ERO1B: variants seen among roughly 807,000 people sequenced by gnomAD.
ERO1B encodes the protein ERO1-like protein beta.
ERO1B carries 49 observed loss-of-function variants against 75.3 expected under a neutral mutation model. The observed-to-expected ratio is 0.65, with a 90% CI of 0.52 to 0.83. ERO1B has a LOEUF of 0.83. Ranked by LOEUF, ERO1B falls within the 40% of genes least tolerant of loss-of-function variation. The pLI, the probability that ERO1B is intolerant of heterozygous loss-of-function variation, is 0.00. For synonymous variants in ERO1B, 191 were observed against 192.9 expected (o/e 0.99, Z 0.08); for missense variants, 512 against 560.1 (o/e 0.91, Z 0.87).
At chr1:236,248,985 T>TA (rs1221489457) in intron 5 of ERO1B, among the ~76,000 whole-genome samples, 1 of 152,106 alleles carries the variant, frequency 6.6e-6, no homozygotes, top group African/African-American at 2.4e-5. Flanking sequence ...ATTGCTAACT[T>TA]ATACTGAGTC....
intron 2 of ERO1B, among the ~76,000 whole-genome samples, chr1:236,268,426 C>A (rs10924901): frequency 0.052 from 7,777 of 148,988 alleles, 531 homozygotes; most frequent in East Asian, 0.39. Context: ...GGCGACAGAG[C>A]GAGACCCTGT....
At chr1:236,223,223 A>G (rs867936832) in intron 13 of ERO1B, among the ~76,000 whole-genome samples, 2 of 149,320 alleles carry the variant, frequency 1.3e-5, no homozygotes, top group Non-Finnish European at 3.0e-5. Context: ...AAAAAAAAAA[A>G]AGAGAAGTTT....
intron 8 of ERO1B, among the ~76,000 whole-genome samples, chr1:236,233,899 G>A (rs1664477560): frequency 6.6e-6 from 1 of 152,174 alleles, no homozygotes; most frequent in Admixed American, 6.5e-5. Context: ...AGAGGCCAGA[G>A]GTTGGGCTCT....
At position 236,215,642 on chromosome 1, in the gene ERO1B, T is replaced by A. The variant is rs1335141207; in HGVS notation, c.*2874A>T. 6.6e-6 allele frequency: 1 copy of A among 152,200 alleles called. No homozygotes were observed. Among genetic ancestry groups the A allele is most frequent in the Non-Finnish European group, 1.5e-5 (1 of 68,028 alleles). The allele number at this position is 152,200 out of a possible 1,614,324, so 9.4% of individuals were successfully genotyped here. On this transcript the variant is annotated 3_prime_UTR_variant, in exon 16 of 16. Transcript: ENST00000354619. ...TTGGAATTCTGTTCAAAATCAAAGC[T>A]GCACCTGTAGATATTCCTTAAAATA...
chr1:236,268,835 G>A (rs1343617615), intron 2 of ERO1B, among the ~76,000 whole-genome samples: 3 of 152,100 alleles, frequency 2.0e-5, no homozygotes, highest in East Asian at 1.9e-4. Flanking sequence ...GCAGTGAGCC[G>A]AGATCGCGCC....
chr1:236,253,234 T>C (rs1407354373), intron 3 of ERO1B, among the ~76,000 whole-genome samples, 188 bp downstream of exon 3: 1 of 152,210 alleles, frequency 6.6e-6, no homozygotes, highest in African/African-American at 2.4e-5. Context: ...GATACAAGTG[T>C]CTTCAAACCC....
chr1:236,249,463 G>A (rs569647630), intron 5 of ERO1B, among the ~76,000 whole-genome samples: 16 of 152,066 alleles, frequency 1.1e-4, no homozygotes, highest in Non-Finnish European at 2.4e-4. Flanking sequence ...TTTCTGTGTA[G>A]AACAAATAAG....
In ERO1B at chr1:236,268,700, C is replaced by T. The variant is rs542824698; in HGVS notation, c.222+1175G>A. On this transcript the variant is annotated intron_variant, in intron 2 of 15. Transcript: ENST00000354619. ...AGGAGATCAAGACCATCCTGGCTAA[C>T]ATGGTGAAACCCCGTCTCTACTAAA... Among the ~76,000 whole-genome samples, 12 of 151,448 alleles carry T rather than the reference C, an allele frequency of 7.9e-5. 1 individual carries two copies. In the South Asian group the frequency reaches 1.0e-3, roughly 13 times the overall value.
At chr1:236,244,520 C>T (rs1018982871) in intron 5 of ERO1B, among the ~76,000 whole-genome samples, 10 of 152,236 alleles carry the variant, frequency 6.6e-5, no homozygotes, top group African/African-American at 1.9e-4. Context: ...GCTAAAATGA[C>T]GTTAACTAAA....
Position 236,280,244 on chromosome 1 carries a change from A to C in ERO1B, c.102+1438T>G, listed in dbSNP as rs141548285. Among the ~76,000 whole-genome samples the C allele has an allele frequency of 3.3e-5, 5 of 152,390 alleles. No homozygotes were observed. In the East Asian group the frequency reaches 9.6e-4, roughly 29 times the overall value. Reference sequence around the variant, plus strand: ...GCATAAATTAATATGTGCTATATAAAAAGAGAAAATGGGAACTCTCATTTC... The same window carrying C: ...GCATAAATTAATATGTGCTATATAACAAGAGAAAATGGGAACTCTCATTTC... On this transcript the variant is annotated intron_variant, in intron 1 of 15. Transcript: ENST00000354619.
chr1:236,262,735 A>T (rs1024133195), intron 2 of ERO1B, among the ~76,000 whole-genome samples: 1 of 152,050 alleles, frequency 6.6e-6, no homozygotes, highest in Non-Finnish European at 1.5e-5. Flanking sequence ...ATTTAAAGCT[A>T]ATTTTTTAAT....
At chr1:236,275,201 T>C (rs933545017) in intron 1 of ERO1B, among the ~76,000 whole-genome samples, 2 of 152,202 alleles carry the variant, frequency 1.3e-5, no homozygotes. Flanking sequence ...TCTGACACTA[T>C]CCACCATCAG....
At chr1:236,230,156 C>A (rs550069796) in intron 10 of ERO1B, 68 bp downstream of exon 10, 13 of 1,313,822 alleles carry the variant, frequency 9.9e-6, no homozygotes, top group Non-Finnish European at 1.3e-5. Context: ...CTAGACCTTA[C>A]AAAAATATGC....
intron 1 of ERO1B, 103 bp downstream of exon 1, chr1:236,281,579 G>GGCCCAGCCCT (rs1553375810): frequency 4.8e-6 from 3 of 618,838 alleles, no homozygotes; most frequent in African/African-American, 3.8e-5. Flanking sequence ...CCTCTTTTCT[G>GGCCCAGCCCT]GCCCGGCCCT....
chr1:236,260,982 T>A lies in ERO1B; in HGVS notation c.223-7477A>T, dbSNP rs188937285. 2.3e-4 allele frequency among the ~76,000 whole-genome samples: 35 copies of A among 151,948 alleles called. No individual in the cohort carries two copies. The East Asian group carries it at 6.2e-3, about 27-fold the overall frequency. ...ACTCACCATGATCAAGTGAGATTTA[T>A]CCCAGAGATGCAAGAGTAGTTTGAT... On this transcript the variant is annotated intron_variant, in intron 2 of 15. Transcript: ENST00000354619.
At chr1:236,239,223 T>C (rs1664621662) in intron 6 of ERO1B, among the ~76,000 whole-genome samples, 1 of 152,208 alleles carries the variant, frequency 6.6e-6, no homozygotes, top group African/African-American at 2.4e-5. Context: ...GTGGGTTTTG[T>C]TAACCTATAC....
intron 2 of ERO1B, among the ~76,000 whole-genome samples, chr1:236,263,926 A>G (rs1474897589): frequency 1.3e-5 from 2 of 150,240 alleles, no homozygotes; most frequent in East Asian, 2.0e-4. Flanking sequence ...GCCTGGCTTC[A>G]TTGCTAATGT....
intron 5 of ERO1B, among the ~76,000 whole-genome samples, chr1:236,247,093 T>C (rs933776375): frequency 6.6e-6 from 1 of 152,180 alleles, no homozygotes; most frequent in Admixed American, 6.6e-5. Flanking sequence ...TCCAATGACT[T>C]AAGCCTAGTC....
chr1:236,225,051 C>A lies in ERO1B; in HGVS notation c.1122+19G>T. 6.2e-7 allele frequency: 1 copy of A among 1,612,392 alleles called. No homozygotes were observed. The highest frequency in any genetic ancestry group is 1.1e-5 in the South Asian group (1 of 91,034). On this transcript the variant is annotated intron_variant, in intron 13 of 15. Transcript: ENST00000354619. ...AGCAAACTGCTCCCAACCCCGTGTC[C>A]CAATCGAGAACTTTTTACCTTTAGT...
Sources: allele counts gnomAD v4.1 joint callset (sites outside exome capture counted in the v4.1 genomes callset), GRCh38; gene constraint gnomAD v4.1.1; transcripts MANE v1.5; gene names NCBI Gene and HGNC (gene_info 2026-07-23, HGNC 2026-07-21).